Variants in IRAK2 observed in about 807,000 individuals in gnomAD.
IRAK2 encodes interleukin-1 receptor-associated kinase-like 2.
A neutral mutation model predicts 72.0 loss-of-function variants in IRAK2; 57 were observed. That is an observed-to-expected ratio of 0.79 (90% CI 0.64 to 0.99). The LOEUF (loss-of-function observed/expected upper bound fraction) is 0.99, where lower values mean the gene tolerates loss of function less well. IRAK2 is among the 50% of genes least tolerant of loss of function. The pLI is 0.00. For missense variants in IRAK2, 790 were observed against 794.4 expected (o/e 0.99, Z 0.07); for synonymous variants, 293 against 312.7 (o/e 0.94, Z 0.67).
At chr3:10,242,005 G>C (rs1698068149) in intron 12 of IRAK2, 111 bp from the exon 13 acceptor site, 1 of 527,630 alleles carries the variant, frequency 1.9e-6, no homozygotes. Context: ...AAAAAGAAAT[G>C]CTCATTACAC....
At chr3:10,213,728 G>A (rs1356663175) in intron 6 of IRAK2, among the ~76,000 whole-genome samples, 180 bp downstream of exon 6, 3 of 152,088 alleles carry the variant, frequency 2.0e-5, no homozygotes, top group Non-Finnish European at 4.4e-5. Context: ...GGCACAGAGG[G>A]GTTAAATGTC....
intron 10 of IRAK2, among the ~76,000 whole-genome samples, chr3:10,229,285 T>C (rs1211293976): frequency 6.6e-6 from 1 of 152,134 alleles, no homozygotes; most frequent in Non-Finnish European, 1.5e-5. Context: ...GGTCTTGCCC[T>C]GTCACCCAGG....
intron 2 of IRAK2, among the ~76,000 whole-genome samples, chr3:10,195,562 A>G (rs553242937): frequency 1.3e-5 from 2 of 151,294 alleles, no homozygotes; most frequent in African/African-American, 4.8e-5. Context: ...AAAAAAAAAA[A>G]GGAACAGGAC....
Position 10,238,654 on chromosome 3 carries a change from G to A in IRAK2, c.1474-94G>A, listed in dbSNP as rs11465928. 2.8e-3 allele frequency: 3,379 copies of A among 1,220,074 alleles called. 63 individuals are homozygous for A. The African/African-American group carries it at 0.044, about 16-fold the overall frequency. 75.6% of individuals were successfully genotyped at this position (1,220,074 alleles called of 1,614,324 possible). ...CAACCAGCATTAGGTTCTTCAGTCT[G>A]CTCCCCGCCCCCTCTCTGCTGGGAG... On this transcript the variant is annotated intron_variant, in intron 11 of 12. Coordinates refer to ENST00000256458, the MANE Select transcript of IRAK2 (RefSeq NM_001570.4).
In IRAK2 at chr3:10,167,548, T is replaced by G. The variant is rs111334013; in HGVS notation, c.94+2500T>G. 4.3e-4 allele frequency among the ~76,000 whole-genome samples: 66 copies of G among 152,132 alleles called. 1 individual carries two copies. Among genetic ancestry groups the G allele is most frequent in the African/African-American group, 1.2e-3 (49 of 41,530 alleles). ...TCCTGCTTCAGCCTCCCTAGCAGCT[T>G]GGACTACAGGTGCCTGCCACCATGC... is the stretch of plus-strand genomic sequence containing the variant. On this transcript the variant is annotated intron_variant, in intron 1 of 12. Transcript: ENST00000256458.
chr3:10,237,506 T>A (rs1343463013), intron 11 of IRAK2, among the ~76,000 whole-genome samples: 1 of 152,108 alleles, frequency 6.6e-6, no homozygotes, highest in Non-Finnish European at 1.5e-5. Flanking sequence ...ATGCATTGTG[T>A]ATGAAATGGA....
At chr3:10,218,977 C>T (rs1251361920) in intron 7 of IRAK2, among the ~76,000 whole-genome samples, 6 of 152,188 alleles carry the variant, frequency 3.9e-5, no homozygotes, top group East Asian at 1.9e-4. Flanking sequence ...GTGGACGGAT[C>T]GCTTGAGCCC....
intron 1 of IRAK2, among the ~76,000 whole-genome samples, chr3:10,172,354 G>A (rs62238321): frequency 0.058 from 8,761 of 151,074 alleles, 398 homozygotes; most frequent in African/African-American, 0.12. Flanking sequence ...GCGACAGAGC[G>A]AGACTCCGTC....
chr3:10,235,997 G>A (rs915022910), intron 11 of IRAK2, among the ~76,000 whole-genome samples: 8 of 152,120 alleles, frequency 5.3e-5, no homozygotes, highest in Non-Finnish European at 1.2e-4. Flanking sequence ...ACATCTGTTC[G>A]GGAACAAGGC....
intron 2 of IRAK2, among the ~76,000 whole-genome samples, chr3:10,183,198 G>A (rs1307667888): frequency 6.6e-6 from 1 of 152,200 alleles, no homozygotes; most frequent in Non-Finnish European, 1.5e-5. Flanking sequence ...CAGGGGATGT[G>A]CCTGGATGTG....
chr3:10,224,735 T>TCCACCCACCCACCCACCCACCCAC (rs1559451649), intron 9 of IRAK2, among the ~76,000 whole-genome samples: 2 of 17,360 alleles, frequency 1.2e-4, no homozygotes, highest in South Asian at 4.4e-3. Context: ...TACCCATCCA[T>TCCACCCACCCACCCACCCACCCAC]CCATCCATCC....
chr3:10,195,576 G>A (rs1383578485), intron 2 of IRAK2, among the ~76,000 whole-genome samples: 2 of 151,616 alleles, frequency 1.3e-5, no homozygotes, highest in Non-Finnish European at 2.9e-5. Context: ...ACAGGACACT[G>A]AAGTTAAGTA....
rs745786522 is a variant in IRAK2, at chr3:10,242,197, A to G, written c.1847A>G (p.Lys616Arg). 6 of 1,613,280 alleles carry G rather than the reference A, an allele frequency of 3.7e-6. No homozygotes were observed. Among genetic ancestry groups the G allele is most frequent in the Non-Finnish European group, 2.5e-6 (3 of 1,179,344 alleles). Reference sequence around the variant, plus strand: ...AATATTCTGCTCTACAAAGAGGAAAAAGTGGACAGCATTGAGCTCTTTGGC... The same window carrying G: ...AATATTCTGCTCTACAAAGAGGAAAGAGTGGACAGCATTGAGCTCTTTGGC... ...MENILLYKEE[K>R]VDSIELFGP The change falls in exon 13 of 13, where the codon AAA becomes AGA. Residue 616 changes from lysine to arginine, a missense_variant. Physicochemically the swap from Lys to Arg is conservative, Grantham distance 26. Transcript: ENST00000256458.
chr3:10,180,339 G>GA (rs1696941747), intron 2 of IRAK2, among the ~76,000 whole-genome samples: 1 of 152,178 alleles, frequency 6.6e-6, no homozygotes, highest in Admixed American at 6.5e-5. Context: ...CCCTCATGAG[G>GA]ACACAGTCTT....
chr3:10,238,553 G>A (rs189273544), intron 11 of IRAK2, among the ~76,000 whole-genome samples, 195 bp from the exon 12 acceptor site: 10 of 152,268 alleles, frequency 6.6e-5, no homozygotes, highest in East Asian at 1.9e-4. Context: ...GGGTCACGCC[G>A]TCTCATCTAT....
intron 6 of IRAK2, among the ~76,000 whole-genome samples, chr3:10,216,093 G>A (rs1289453205): frequency 6.6e-6 from 1 of 152,182 alleles, no homozygotes; most frequent in Non-Finnish European, 1.5e-5. Context: ...GCAGTCTTGG[G>A]GAGGCTGAAT....
chr3:10,219,540 G>T (rs917630643), intron 7 of IRAK2, 140 bp from the exon 8 acceptor site: 11 of 627,954 alleles, frequency 1.8e-5, no homozygotes, highest in South Asian at 1.3e-4. Flanking sequence ...GGATGGTCTC[G>T]ATCTCCTGAA....
In IRAK2 at chr3:10,213,320, C is replaced by T; in HGVS notation, c.642C>T (p.Arg214=). The change falls in exon 5 of 13, where the codon CGC becomes CGT. Residue 214 remains arginine, a synonymous_variant. Coordinates refer to ENST00000256458, the MANE Select transcript of IRAK2 (RefSeq NM_001570.4). The part of the protein sequence containing the change: ...VQATDDFNQN[R]KISQGTFADV... ...CAACCGATGACTTCAATCAAAACCG[C>T]AAAATCAGCCAGGGGACCTTTGCTG... The T allele has an allele frequency of 6.2e-7, 1 of 1,614,086 alleles. No individual in the cohort carries two copies. The highest frequency in any genetic ancestry group is 2.2e-5 in the East Asian group (1 of 44,878).
intron 9 of IRAK2, among the ~76,000 whole-genome samples, 190 bp downstream of exon 9, chr3:10,223,021 A>T (rs1297495193): frequency 6.6e-6 from 1 of 152,198 alleles, no homozygotes. Flanking sequence ...AGCTAAGGGT[A>T]GTTTTACATT....
Sources: gnomAD v4.1 joint callset for allele counts (sites outside exome capture counted in the v4.1 genomes callset) on GRCh38, gnomAD v4.1.1 for gene constraint, MANE v1.5 for transcripts, NCBI Gene and HGNC (gene_info 2026-07-23, HGNC 2026-07-21) for gene names.